Variants in TMEM59L observed in about 807,000 individuals in gnomAD.
The protein encoded by TMEM59L is transmembrane protein 59-like.
Under a neutral mutation model 39.6 loss-of-function variants are expected in TMEM59L, and 31 were observed. The ratio of observed to expected loss-of-function variants is 0.78; its 90% CI spans 0.59 to 1.06. TMEM59L has a LOEUF of 1.06. Among genes scored for constraint, TMEM59L ranks in the 50% least tolerant of loss-of-function variants. The pLI is 0.00. For missense variants in TMEM59L, 441 were observed against 451.3 expected (o/e 0.98, Z 0.21); for synonymous variants, 219 against 202.9 (o/e 1.08, Z -0.68).
intron 5 of TMEM59L, chr19:18,617,553 C>T (rs1364176635): frequency 2.2e-6 from 1 of 458,410 alleles, no homozygotes; most frequent in Non-Finnish European, 4.4e-6. Context: ...TTCCATGGTT[C>T]ATCTCTCAGA....
rs1976422895 is a variant in TMEM59L at position 18,615,983 on chromosome 19, C to T, written c.417C>T (p.Val139=). ...AEPEPEQKRK[V]LEAPSGALSL... The stretch of plus-strand genomic sequence containing the variant: ...GGACCTTTTTTCACCAGAGAAAGGT[C>T]CTGGAGGCTCCAAGTGGGGCCCTCT... The change falls in exon 4 of 8, where the codon GTC becomes GTT. Residue 139 remains valine (V), a synonymous_variant. Coordinates refer to ENST00000262817, the MANE Select transcript of TMEM59L (RefSeq NM_012109.3). 1 of 1,613,902 alleles carries T rather than the reference C, an allele frequency of 6.2e-7. No homozygotes were observed. The highest frequency in any genetic ancestry group is 1.7e-5 in the Admixed American group (1 of 60,010).
chr19:18,619,481 G>A (rs1976469717), intron 7 of TMEM59L, among the ~76,000 whole-genome samples: 2 of 152,208 alleles, frequency 1.3e-5, no homozygotes, highest in Non-Finnish European at 2.9e-5. Flanking sequence ...GCAACATAGT[G>A]AAACCTTGTC....
chr19:18,617,034 G>A lies in TMEM59L; in HGVS notation c.596G>A (p.Gly199Glu), dbSNP rs1976435437. 6.2e-7 allele frequency: 1 copy of A among 1,612,866 alleles called. No individual in the cohort carries two copies. The highest frequency in any genetic ancestry group is 8.5e-7 in the Non-Finnish European group (1 of 1,179,678). The stretch of plus-strand genomic sequence containing the variant: ...ATAGTGGAGAGCCTCGGCTTCCAGG[G>A]GGGCCGTCTGCAGCGCGTGGAGGTG... ...QPIVESLGFQ[G>E]GRLQRVEVTW... Residue 199 changes from glycine to glutamate, a missense_variant, in exon 5 of 8, where the codon GGG (glycine) becomes GAG (glutamate). Physicochemically the swap from Gly to Glu is moderately conservative, Grantham distance 98. Coordinates refer to ENST00000262817, the MANE Select transcript of TMEM59L (RefSeq NM_012109.3).
chr19:18,613,900 C>T lies in TMEM59L; in HGVS notation c.200C>T (p.Pro67Leu). Reference protein sequence around the residue: ...QAGLEGASESPYDRAVLISAC... With the variant: ...QAGLEGASESLYDRAVLISAC... ...GGGCTGGAGGGCGCCTCCGAGTCTC[C>T]CTATGACAGAGCCGTTCTGATCAGC... The change falls in exon 2 of 8, where the codon CCC (proline) becomes CTC (leucine). Residue 67 changes from proline (P) to leucine (L), a missense_variant. Pro to Leu is a moderately conservative substitution (Grantham distance 98). Transcript: ENST00000262817. 6.2e-7 allele frequency: 1 copy of T among 1,612,896 alleles called. No homozygotes were observed. The highest frequency in any genetic ancestry group is 8.5e-7 in the Non-Finnish European group (1 of 1,180,016).
chr19:18,616,059 C>G lies in TMEM59L; in HGVS notation c.493C>G (p.Gln165Glu), dbSNP rs1976424243. The G allele has an allele frequency of 1.2e-5, 19 of 1,614,036 alleles. No individual in the cohort carries two copies. The highest frequency in any genetic ancestry group is 1.5e-5 in the Non-Finnish European group (18 of 1,180,014). Residue 165 changes from glutamine to glutamate, a missense_variant, in exon 4 of 8, where the codon CAG (glutamine) becomes GAG (glutamate). Coordinates refer to ENST00000262817, the MANE Select transcript of TMEM59L (RefSeq NM_012109.3). Reference protein sequence around the residue: ...TLCNDLVNSAQGFVSSTWTYY... With the variant: ...TLCNDLVNSAEGFVSSTWTYY... ...CTGCAATGACCTTGTCAACTCAGCCCAGGGATTTGTCTCCTCCACCTGGAC... is the reference window on the plus strand; with the variant it reads ...CTGCAATGACCTTGTCAACTCAGCCGAGGGATTTGTCTCCTCCACCTGGAC...
rs776887866 is a variant in TMEM59L at position 18,614,238 on chromosome 19, C to T, written c.408+43C>T. On this transcript the variant is annotated intron_variant, in intron 3 of 7. Coordinates refer to ENST00000262817, the MANE Select transcript of TMEM59L (RefSeq NM_012109.3). ...GCCTGGGGTCCCTTTTCCCAATACC[C>T]CCACCCTCTTCACCCCGTGGGAAAT... 7.2e-6 allele frequency: 11 copies of T among 1,536,644 alleles called. No homozygotes were observed. The South Asian group carries it at 9.5e-5, about 13-fold the overall frequency.
rs572601368 is a variant in TMEM59L, at chr19:18,617,080, T to C, written c.642T>C (p.Pro214=). 110 of 1,613,326 alleles carry C rather than the reference T, an allele frequency of 6.8e-5. 1 individual carries two copies. The South Asian group carries it at 1.1e-3, about 17-fold the overall frequency. The change falls in exon 5 of 8, where the codon CCT becomes CCC. Residue 214 remains proline (P), a synonymous_variant. Coordinates refer to ENST00000262817, the MANE Select transcript of TMEM59L (RefSeq NM_012109.3). ...RVEVTWRGSH[P]EALEVHVDPV... ...AGGTGACCTGGCGAGGCTCCCACCCTGAAGCCCTGGAGGTGCACGTGGGTA... is the reference window on the plus strand; with the variant it reads ...AGGTGACCTGGCGAGGCTCCCACCCCGAAGCCCTGGAGGTGCACGTGGGTA...
chr19:18,614,527 C>T (rs1009325773), intron 3 of TMEM59L, among the ~76,000 whole-genome samples: 6 of 152,210 alleles, frequency 3.9e-5, no homozygotes, highest in Non-Finnish European at 7.3e-5. Flanking sequence ...ATTTAGTGCC[C>T]AGGGGGCAAC....
At position 18,615,969 on chromosome 19, in the gene TMEM59L, C is replaced by A. The variant is rs1263897992; in HGVS notation, c.409-6C>A. 3 of 1,611,130 alleles carry A rather than the reference C, an allele frequency of 1.9e-6. No individual in the cohort carries two copies. In the East Asian group the frequency reaches 6.7e-5, roughly 36 times the overall value. Reference sequence around the variant, plus strand: ...CATCTTTGTGTCTTGGACCTTTTTTCACCAGAGAAAGGTCCTGGAGGCTCC... The same window carrying A: ...CATCTTTGTGTCTTGGACCTTTTTTAACCAGAGAAAGGTCCTGGAGGCTCC... On this transcript the variant is annotated splice_region_variant and splice_polypyrimidine_tract_variant and intron_variant, in intron 3 of 7. Transcript: ENST00000262817.
chr19:18,620,132 T>C (rs1161642180), intron 7 of TMEM59L, among the ~76,000 whole-genome samples: 4 of 151,164 alleles, frequency 2.6e-5, no homozygotes, highest in Non-Finnish European at 5.9e-5. Context: ...TGAAACCCCA[T>C]ATCTACTAAT....
In TMEM59L at chr19:18,617,107, G is replaced by A. The variant is rs929268372; in HGVS notation, c.664+5G>A. ...AAGCCCTGGAGGTGCACGTGGGTAA[G>A]GTGCAACCTAGACCAGTGTTCCTTC... On this transcript the variant is annotated splice_donor_5th_base_variant and intron_variant, in intron 5 of 7. Coordinates refer to ENST00000262817, the MANE Select transcript of TMEM59L (RefSeq NM_012109.3). 2 of 1,608,978 alleles carry A rather than the reference G, an allele frequency of 1.2e-6. No homozygotes were observed. The highest frequency in any genetic ancestry group is 1.7e-6 in the Non-Finnish European group (2 of 1,175,968).
intron 5 of TMEM59L, chr19:18,617,315 CTTCCCAGGG>C (rs1976440348): frequency 1.5e-6 from 1 of 654,780 alleles, no homozygotes; most frequent in Non-Finnish European, 2.8e-6. Flanking sequence ...CCGTGGTCTA[CTTCCCAGGG>C]TTCCGTGGTC....
At chr19:18,617,673 T>A (rs4808830) in intron 5 of TMEM59L, 3 of 449,012 alleles carry the variant, frequency 6.7e-6, no homozygotes, top group African/African-American at 4.2e-5. Context: ...GCAGTTCATC[T>A]CCCAGGGTTC....
chr19:18,620,446 GC>G lies in TMEM59L; in HGVS notation c.942del (p.Asp315IlefsTer21), dbSNP rs1187494951. On this transcript the variant is annotated frameshift_variant, in exon 8 of 8. Transcript: ENST00000262817. LOFTEE classifies it high-confidence loss of function. ...LEQHKGFMME[P>X]DWPLYPPPSH... ...AGCAGCACAAGGGCTTCATGATGGA[GC>G]CCGATTGGCCCCTGTACCCGCCGCC... is the stretch of plus-strand genomic sequence containing the variant. 1 of 1,613,466 alleles carries G rather than the reference GC, an allele frequency of 6.2e-7. No individual in the cohort carries two copies. Among genetic ancestry groups the G allele is most frequent in the Non-Finnish European group, 8.5e-7 (1 of 1,179,948 alleles).
intron 4 of TMEM59L, 66 bp downstream of exon 4, chr19:18,616,193 C>A: frequency 1.3e-6 from 2 of 1,589,176 alleles, no homozygotes; most frequent in Non-Finnish European, 1.7e-6. Flanking sequence ...AGATGGGATG[C>A]ATTGGCTCTT....
rs772417161 is a variant in TMEM59L, at chr19:18,618,448, T to C, written c.856T>C (p.Cys286Arg). Residue 286 changes from cysteine to arginine, a missense_variant, in exon 7 of 8, where the codon TGC becomes CGC. Cys to Arg is a radical substitution (Grantham distance 180). Coordinates refer to ENST00000262817, the MANE Select transcript of TMEM59L (RefSeq NM_012109.3). ...CGTGCTGGTGATGCTGTGGCTGAGC[T>C]GCTCCACCCTGGTGACCGCGCCTGG... ...LSVLVMLWLS[C>R]STLVTAPGQH... 1.9e-6 allele frequency: 3 copies of C among 1,607,858 alleles called. No homozygotes were observed. In the South Asian group the frequency reaches 3.3e-5, roughly 18 times the overall value.
At chr19:18,617,239 C>T (rs1292653240) in intron 5 of TMEM59L, 137 bp downstream of exon 5, 1 of 721,616 alleles carries the variant, frequency 1.4e-6, no homozygotes, top group Admixed American at 2.0e-5. Context: ...CCCCAGGTCT[C>T]CATGGTCTAT....
At chr19:18,614,965 A>T (rs1976412256) in intron 3 of TMEM59L, among the ~76,000 whole-genome samples, 1 of 152,048 alleles carries the variant, frequency 6.6e-6, no homozygotes, top group African/African-American at 2.4e-5. Context: ...AGCCCTTCCA[A>T]TTCAGAGCTC....
In TMEM59L at chr19:18,617,036, G is replaced by A. The variant is rs1395572469; in HGVS notation, c.598G>A (p.Gly200Ser). The A allele has an allele frequency of 6.2e-7, 1 of 1,612,850 alleles. No individual in the cohort carries two copies. The highest frequency in any genetic ancestry group is 1.3e-5 in the African/African-American group (1 of 74,886). Reference protein sequence around the residue: ...PIVESLGFQGGRLQRVEVTWR... With the variant: ...PIVESLGFQGSRLQRVEVTWR... ...AGTGGAGAGCCTCGGCTTCCAGGGGGGCCGTCTGCAGCGCGTGGAGGTGAC... is the reference window on the plus strand; with the variant it reads ...AGTGGAGAGCCTCGGCTTCCAGGGGAGCCGTCTGCAGCGCGTGGAGGTGAC... The change falls in exon 5 of 8, where the codon GGC becomes AGC. Residue 200 changes from glycine (G) to serine (S), a missense_variant. Coordinates refer to ENST00000262817, the MANE Select transcript of TMEM59L (RefSeq NM_012109.3).
Sources: allele counts gnomAD v4.1 joint callset (sites outside exome capture counted in the v4.1 genomes callset), GRCh38; gene constraint gnomAD v4.1.1; transcripts MANE v1.5; gene names NCBI Gene and HGNC (gene_info 2026-07-23, HGNC 2026-07-21).